TSHZ3: variants seen among roughly 807,000 people sequenced by gnomAD.
TSHZ3 encodes teashirt homolog 3.
Under a neutral mutation model 64.5 loss-of-function variants are expected in TSHZ3, and 10 were observed. The observed-to-expected ratio is 0.16, with a 90% CI of 0.10 to 0.26. The LOEUF is 0.26. TSHZ3 is among the 10% of genes least tolerant of loss of function. The pLI is 1.00. For missense variants in TSHZ3, 1,242 were observed against 1,421.7 expected (o/e 0.87, Z 2.03); for synonymous variants, 608 against 593.1 (o/e 1.03, Z -0.36).
chr19:31,268,108 G>C (rs1040924043), intron 1 of TSHZ3, among the ~76,000 whole-genome samples: 4 of 152,074 alleles, frequency 2.6e-5, no homozygotes, highest in African/African-American at 9.7e-5. Context: ...TTATAAATGG[G>C]AGTTCCCCTG....
At position 31,339,343 on chromosome 19, in the gene TSHZ3, C is replaced by T. The variant is rs140592160; in HGVS notation, c.40+9837G>A. 2.9e-3 allele frequency among the ~76,000 whole-genome samples: 437 copies of T among 152,180 alleles called. 4 individuals carry two copies. Among genetic ancestry groups the T allele is most frequent in the Non-Finnish European group, 4.2e-3 (289 of 68,018 alleles). On this transcript the variant is annotated intron_variant, in intron 1 of 1. Transcript: ENST00000240587. ...TAATATGAATGAGCATAACCTCTCCCGTGCCTCTGCCAATCTCCCACCCGC... is the reference window on the plus strand; with the variant it reads ...TAATATGAATGAGCATAACCTCTCCTGTGCCTCTGCCAATCTCCCACCCGC...
At chr19:31,164,459 C>A (rs965023305) in intron 5 of TSHZ3, among the ~76,000 whole-genome samples, 1 of 152,184 alleles carries the variant, frequency 6.6e-6, no homozygotes, top group Non-Finnish European at 1.5e-5. Flanking sequence ...ATTTCCCTGG[C>A]AGCCACCTAC....
At chr19:31,210,725 C>A (rs1282857627) in intron 4 of TSHZ3, among the ~76,000 whole-genome samples, 1 of 152,178 alleles carries the variant, frequency 6.6e-6, no homozygotes, top group East Asian at 1.9e-4. Context: ...CTACGAGAAA[C>A]CTCAACAGGT....
rs1396920615 is a variant in TSHZ3, at chr19:31,279,954, C to A, written c.41-202G>T. ...GTTAAAATGTGGTGTTTCTTTGGAG[C>A]AAAAAAAAAAAAAAATCTGCTCTTC... On this transcript the variant is annotated intron_variant, in intron 1 of 1. Transcript: ENST00000240587. This position sits in a 1 kb window ranked among gnomAD's most constrained non-coding sequence, Gnocchi z 6.4. 4.6e-4 allele frequency among the ~76,000 whole-genome samples: 67 copies of A among 145,536 alleles called. No individual in the cohort carries two copies. The highest frequency in any genetic ancestry group is 3.0e-4 in the African/African-American group (12 of 39,748).
intron 4 of TSHZ3, among the ~76,000 whole-genome samples, chr19:31,219,864 T>C (rs545577019): frequency 6.6e-6 from 1 of 150,540 alleles, no homozygotes; most frequent in Non-Finnish European, 1.5e-5. Flanking sequence ...ATATCTGGAA[T>C]GTGTATAAGT....
chr19:31,331,237 A>G (rs1281302661), intron 1 of TSHZ3, among the ~76,000 whole-genome samples: 5 of 152,192 alleles, frequency 3.3e-5, no homozygotes, highest in African/African-American at 1.2e-4. Flanking sequence ...CCTGTACCAG[A>G]GCCTCAGGAA....
chr19:31,167,148 T>C (rs1323689903), intron 5 of TSHZ3, among the ~76,000 whole-genome samples: 5 of 152,206 alleles, frequency 3.3e-5, no homozygotes, highest in Non-Finnish European at 7.4e-5. Context: ...CCTTTGCATC[T>C]ATATATTTAA....
rs558297035 is a variant in TSHZ3 at position 31,183,632 on chromosome 19, C to A, written n.809+21324G>T. Among the ~76,000 whole-genome samples, 27 of 152,240 alleles carry A rather than the reference C, an allele frequency of 1.8e-4. 1 individual carries two copies. The South Asian group carries it at 5.2e-3, about 29-fold the overall frequency. ...TTAGGGGGTTTTCTTTCCTGCATTT[C>A]ATTGTTTTAAAGGCGTCTTGATCCA... is the stretch of plus-strand genomic sequence containing the variant. On this transcript the variant is annotated intron_variant and non_coding_transcript_variant, in intron 5 of 6. Coordinates refer to the TSHZ3 transcript ENST00000651361.
At position 31,190,265 on chromosome 19, in the gene TSHZ3, G is replaced by A. The variant is rs182994236; in HGVS notation, n.809+14691C>T. 8.5e-5 allele frequency among the ~76,000 whole-genome samples: 13 copies of A among 152,234 alleles called. No individual in the cohort carries two copies. The East Asian group carries it at 2.3e-3, about 27-fold the overall frequency. On this transcript the variant is annotated intron_variant and non_coding_transcript_variant, in intron 5 of 6. Transcript: ENST00000651361. ...AGTTTTTGGCAGAATTCTAAGACAG[G>A]CATGCACATGGTATCACTTTACAAG... is the stretch of plus-strand genomic sequence containing the variant.
intron 1 of TSHZ3, among the ~76,000 whole-genome samples, chr19:31,246,548 T>G (rs953916742): frequency 6.6e-6 from 1 of 152,032 alleles, no homozygotes; most frequent in Non-Finnish European, 1.5e-5. Flanking sequence ...GAATAAGCCC[T>G]AAGGTGCTGG....
intron 1 of TSHZ3, among the ~76,000 whole-genome samples, chr19:31,342,744 G>A (rs987230946): frequency 2.0e-5 from 3 of 152,216 alleles, no homozygotes; most frequent in African/African-American, 7.2e-5. Context: ...TTAAGGATGG[G>A]TTCCACTTTG....
rs145637229 is a variant in TSHZ3 at position 31,162,267 on chromosome 19, A to G, written n.810-5850T>C. The stretch of plus-strand genomic sequence containing the variant: ...AAATACTTAAAAAAAATCTGATTAT[A>G]ATCTAATTATAATCAGGTAGAATTT... On this transcript the variant is annotated intron_variant and non_coding_transcript_variant, in intron 5 of 6. Transcript: ENST00000651361. 5.9e-5 allele frequency among the ~76,000 whole-genome samples: 9 copies of G among 152,254 alleles called. No homozygotes were observed. In the East Asian group the frequency reaches 1.7e-3, roughly 29 times the overall value.
At position 31,265,467 on chromosome 19, in the gene TSHZ3, C is replaced by T. The variant is rs144360830; in HGVS notation, n.64-22592G>A. 3.6e-4 allele frequency among the ~76,000 whole-genome samples: 55 copies of T among 150,878 alleles called. 1 individual carries two copies. The East Asian group carries it at 0.01, about 28-fold the overall frequency. ...AAGAAAAGAAAAGAAAAGAAAATCC[C>T]ATACCTTGGTTTCTCATCAGGATTC... On this transcript the variant is annotated intron_variant and non_coding_transcript_variant, in intron 1 of 6. Transcript: ENST00000651361.
intron 1 of TSHZ3, among the ~76,000 whole-genome samples, chr19:31,251,025 T>A (rs1421435489): frequency 2.0e-5 from 3 of 152,062 alleles, no homozygotes. Context: ...GGGTAGAGCC[T>A]GCTTTGCCAC....
Position 31,277,858 on chromosome 19 carries a change from T to G in TSHZ3, c.1935A>C (p.Pro645=). ...LSPPKRATPS[P]CSSEVGEPIK... ...TGGGTTCCCCGACTTCGCTGCTACA[T>G]GGGGAGGGAGTGGCCCGCTTGGGCG... Residue 645 remains proline (P), a synonymous_variant, in exon 2 of 2, where the codon CCA becomes CCC. Coordinates refer to ENST00000240587, the MANE Select transcript of TSHZ3 (RefSeq NM_020856.4). This position sits in a 1 kb window ranked among gnomAD's most constrained non-coding sequence, Gnocchi z 4.5. The G allele has an allele frequency of 6.3e-7, 1 of 1,599,048 alleles. No individual in the cohort carries two copies. The highest frequency in any genetic ancestry group is 8.5e-7 in the Non-Finnish European group (1 of 1,173,824).
At chr19:31,167,041 A>T (rs1192091885) in intron 5 of TSHZ3, among the ~76,000 whole-genome samples, 2 of 152,124 alleles carry the variant, frequency 1.3e-5, no homozygotes, top group African/African-American at 2.4e-5. Context: ...CTGAGACCGG[A>T]GCCCCATGTT....
intron 5 of TSHZ3, chr19:31,195,514 A>C (rs1205433744): frequency 9.9e-5 from 15 of 151,912 alleles, no homozygotes; most frequent in Admixed American, 9.2e-4. Flanking sequence ...TCAAAAGTGA[A>C]GGAGAAATAG....
chr19:31,327,467 G>A (rs1916964459), intron 1 of TSHZ3, among the ~76,000 whole-genome samples: 1 of 152,234 alleles, frequency 6.6e-6, no homozygotes, highest in Non-Finnish European at 1.5e-5. Flanking sequence ...GATATCTAAT[G>A]AGAGGGAAGG....
intron 5 of TSHZ3, among the ~76,000 whole-genome samples, chr19:31,198,575 A>G (rs879487753): frequency 1.3e-5 from 2 of 152,186 alleles, no homozygotes; most frequent in African/African-American, 2.4e-5. Flanking sequence ...AAATAATTAT[A>G]CCAAGGTTGC....
Sources: allele counts gnomAD v4.1 joint callset (sites outside exome capture counted in the v4.1 genomes callset), GRCh38; gene constraint gnomAD v4.1.1; non-coding constraint Gnocchi (gnomAD v3.1); transcripts MANE v1.5; gene names NCBI Gene and HGNC (gene_info 2026-07-23, HGNC 2026-07-21).